The following PLXNA4 variants were observed in gnomAD, a reference collection of about 807,000 sequenced individuals.
PLXNA4 encodes the protein plexin A4.
A neutral mutation model predicts 191.8 loss-of-function variants in PLXNA4; 44 were observed. The observed-to-expected ratio is 0.23, with a 90% CI of 0.18 to 0.29. The LOEUF is 0.29. Ranked by LOEUF, PLXNA4 falls within the 10% of genes least tolerant of loss-of-function variation. PLXNA4 has a pLI of 1.00. For missense variants in PLXNA4, 1,800 were observed against 2,488.8 expected, an observed-to-expected ratio of 0.72 and a Z score of 5.89; for synonymous variants, 1,082 against 1,009.5, an observed-to-expected ratio of 1.07 and a Z score of -1.36.
chr7:132,250,155 C>T (rs1022751970), intron 4 of PLXNA4, among the ~76,000 whole-genome samples: 1 of 152,134 alleles, frequency 6.6e-6, no homozygotes, highest in Non-Finnish European at 1.5e-5. Flanking sequence ...TCTAAGTACC[C>T]TGATGGGTTG....
At chr7:132,381,654 C>T (rs1481625696) in intron 3 of PLXNA4, among the ~76,000 whole-genome samples, 2 of 152,182 alleles carry the variant, frequency 1.3e-5, no homozygotes, top group South Asian at 2.1e-4. Context: ...ACCCCTAGCC[C>T]GTGTTCTACT....
At chr7:132,210,894 G>C in intron 10 of PLXNA4, 49 bp downstream of exon 10, 1 of 1,577,984 alleles carries the variant, frequency 6.3e-7, no homozygotes. Flanking sequence ...ACAGTGATGT[G>C]GGTGGGACTG....
Position 132,360,074 on chromosome 7 carries a change from T to C in PLXNA4, c.1372-61852A>G, listed in dbSNP as rs375986993. On this transcript the variant is annotated intron_variant, in intron 3 of 31. Transcript: ENST00000321063. ...GGGTAATTATAATGTTTAACAAATA[T>C]ATTCCCTTTAGGGACCTGATGTTAA... Among the ~76,000 whole-genome samples the C allele has an allele frequency of 1.2e-4, 18 of 152,338 alleles. No individual in the cohort carries two copies. In the East Asian group the frequency reaches 2.7e-3, roughly 23 times the overall value.
At chr7:132,174,946 T>A (rs771409605) in intron 20 of PLXNA4, 26 bp from the exon 21 acceptor site, 35 of 1,612,508 alleles carry the variant, frequency 2.2e-5, no homozygotes, top group Non-Finnish European at 2.9e-5. Context: ...GCCTGTGAGA[T>A]GGCTGGATGG....
intron 10 of PLXNA4, 30 bp from the exon 11 acceptor site, chr7:132,203,449 GA>G (rs761933046): frequency 2.0e-5 from 32 of 1,595,742 alleles, no homozygotes; most frequent in Non-Finnish European, 2.7e-5. Context: ...GAGGAAAGAA[GA>G]AAGTGGGGTC....
chr7:132,326,972 T>G (rs1584995949), intron 3 of PLXNA4, among the ~76,000 whole-genome samples: 11 of 94,334 alleles, frequency 1.2e-4, no homozygotes, highest in Admixed American at 1.2e-4. Flanking sequence ...GGAGAAACAG[T>G]GAGAAAGGAA....
At chr7:132,388,893 C>A (rs540378180) in intron 3 of PLXNA4, among the ~76,000 whole-genome samples, 9 of 152,134 alleles carry the variant, frequency 5.9e-5, no homozygotes, top group Non-Finnish European at 1.3e-4. Context: ...TGGCAAGTCC[C>A]ATAACATGAG....
Position 132,593,244 on chromosome 7 carries a change from C to T in PLXNA4, c.-87+52684G>A, listed in dbSNP as rs371333305. 3.9e-5 allele frequency among the ~76,000 whole-genome samples: 6 copies of T among 152,320 alleles called. 1 individual carries two copies. In the East Asian group the frequency reaches 9.6e-4, roughly 24 times the overall value. On this transcript the variant is annotated intron_variant, in intron 2 of 4. Coordinates refer to the PLXNA4 transcript ENST00000378539. ...GAATCTAAATTAGCTCCTCTCCCTG[C>T]CTACCCCAGCTCCAAGCTGGTTGGG... is the stretch of plus-strand genomic sequence containing the variant.
intron 2 of PLXNA4, among the ~76,000 whole-genome samples, chr7:132,597,444 T>C (rs1041038344): frequency 6.6e-6 from 1 of 152,226 alleles, no homozygotes; most frequent in Admixed American, 6.5e-5. Context: ...TTTTACTAAA[T>C]TGTAAGACCT....
intron 2 of PLXNA4, among the ~76,000 whole-genome samples, chr7:132,644,432 C>A (rs1803815674): frequency 6.6e-6 from 1 of 152,204 alleles, no homozygotes; most frequent in Admixed American, 6.5e-5. Context: ...GCCTGTGTTC[C>A]TGGCTGCCCC....
At chr7:132,373,388 A>G (rs1356774498) in intron 3 of PLXNA4, among the ~76,000 whole-genome samples, 2 of 152,140 alleles carry the variant, frequency 1.3e-5, no homozygotes, top group African/African-American at 4.8e-5. Context: ...CTCATGCCCT[A>G]AGATTCTATG....
chr7:132,459,632 C>G (rs1012202397), intron 3 of PLXNA4, among the ~76,000 whole-genome samples: 1 of 152,114 alleles, frequency 6.6e-6, no homozygotes, highest in African/African-American at 2.4e-5. Context: ...GGCCCATGGG[C>G]AGCATTTTAG....
intron 4 of PLXNA4, among the ~76,000 whole-genome samples, chr7:132,288,963 C>T (rs1177086919): frequency 6.6e-6 from 1 of 152,170 alleles, no homozygotes; most frequent in African/African-American, 2.4e-5. Context: ...GGTAATGACT[C>T]CTTCATCACA....
intron 2 of PLXNA4, among the ~76,000 whole-genome samples, chr7:132,638,369 G>C (rs1803650144): frequency 6.6e-6 from 1 of 152,174 alleles, no homozygotes; most frequent in African/African-American, 2.4e-5. Context: ...GAAAATGCCA[G>C]GGCCGGGCAT....
chr7:132,371,097 G>T (rs1804418916), intron 3 of PLXNA4, among the ~76,000 whole-genome samples: 1 of 152,174 alleles, frequency 6.6e-6, no homozygotes, highest in Non-Finnish European at 1.5e-5. Context: ...GTTAGGGCTG[G>T]TCTGCAGACA....
At chr7:132,603,776 AT>A (rs1280034409) in intron 2 of PLXNA4, among the ~76,000 whole-genome samples, 1 of 152,140 alleles carries the variant, frequency 6.6e-6, no homozygotes, top group African/African-American at 2.4e-5. Flanking sequence ...GTATATTTAT[AT>A]TTCTTCCTTG....
intron 3 of PLXNA4, among the ~76,000 whole-genome samples, chr7:132,375,502 T>A (rs985880406): frequency 6.6e-6 from 1 of 152,082 alleles, no homozygotes; most frequent in Non-Finnish European, 1.5e-5. Context: ...AAAGACAAAC[T>A]GTTGATGTTC....
In PLXNA4 at chr7:132,128,141, T is replaced by A. The variant is rs1165361061; in HGVS notation, c.*2338A>T. 2 of 152,126 alleles carry A rather than the reference T, an allele frequency of 1.3e-5. No individual in the cohort carries two copies. Among genetic ancestry groups the A allele is most frequent in the African/African-American group, 2.4e-5 (1 of 41,414 alleles). 9.4% of individuals were successfully genotyped at this position (152,126 alleles called of 1,614,324 possible). On this transcript the variant is annotated 3_prime_UTR_variant, in exon 32 of 32. Transcript: ENST00000321063. ...AAAATATTGTAGTGACCGAGGTACT[T>A]CCTCAGACCGTCTCCCACATGTACC... is the stretch of plus-strand genomic sequence containing the variant.
At chr7:132,187,408 G>GA in intron 15 of PLXNA4, 63 bp downstream of exon 15, 1 of 1,559,144 alleles carries the variant, frequency 6.4e-7, no homozygotes, top group Non-Finnish European at 8.7e-7. Flanking sequence ...AAGCTACCCT[G>GA]AAGTCATTTA....
Sources: gnomAD v4.1 joint callset for allele counts (sites outside exome capture counted in the v4.1 genomes callset) on GRCh38, gnomAD v4.1.1 for gene constraint, MANE v1.5 for transcripts, NCBI Gene and HGNC (gene_info 2026-07-23, HGNC 2026-07-21) for gene names.